Variants in RPS6KC1 observed in about 807,000 individuals in gnomAD.
RPS6KC1 encodes ribosomal protein S6 kinase C1, also known as inactive ribosomal protein S6 kinase delta-1.
RPS6KC1 carries 54 observed loss-of-function variants against 103.8 expected under a neutral mutation model. The observed-to-expected ratio is 0.52, with a 90% CI of 0.42 to 0.65. RPS6KC1 has a LOEUF of 0.65. RPS6KC1 is among the 30% of genes least tolerant of loss of function. The pLI, the probability that RPS6KC1 is intolerant of heterozygous loss-of-function variation, is 0.00. For missense variants in RPS6KC1, 1,151 were observed against 1,253.8 expected (o/e 0.92, Z 1.24); for synonymous variants, 439 against 438.7 (o/e 1.00, Z -0.01).
At chr1:213,842,278 A>G in the RPS6KC1 span, 1 of 152,236 alleles carries the variant, frequency 6.6e-6, no homozygotes, top group Admixed American at 6.6e-5. Context: ...AGTGCCTCGT[A>G]TATGACAAAC....
chr1:213,100,376 C>T (rs74647775), intron 3 of RPS6KC1, among the ~76,000 whole-genome samples: 3,372 of 151,206 alleles, frequency 0.022, 122 homozygotes, highest in African/African-American at 0.078. Flanking sequence ...GTCAGTTGTT[C>T]GTCTATTCAT....
downstream of RPS6KC1, among the ~76,000 whole-genome samples, chr1:213,278,707 T>TA (rs1445476356): frequency 2.6e-5 from 4 of 152,080 alleles, no homozygotes; most frequent in Admixed American, 6.5e-5. Flanking sequence ...AAGGATCTTA[T>TA]AAAACACAGG....
intron 2 of RPS6KC1, among the ~76,000 whole-genome samples, chr1:213,072,465 T>C (rs2078975106): frequency 6.6e-6 from 1 of 151,852 alleles, no homozygotes; most frequent in Non-Finnish European, 1.5e-5. Flanking sequence ...GGAGAACTGC[T>C]TGAACCTGGG....
chr1:213,161,212 A>G (rs1270043315), intron 6 of RPS6KC1, among the ~76,000 whole-genome samples: 1 of 152,104 alleles, frequency 6.6e-6, no homozygotes, highest in South Asian at 2.1e-4. Flanking sequence ...GATAGAGAAC[A>G]TTTTCACTCT....
chr1:213,220,077 G>T (rs1253410822), intron 8 of RPS6KC1, among the ~76,000 whole-genome samples: 1 of 151,938 alleles, frequency 6.6e-6, no homozygotes, highest in Non-Finnish European at 1.5e-5. Flanking sequence ...ATTCAGATGG[G>T]ATATATACAC....
chr1:213,461,721 A>T, the RPS6KC1 span, among the ~76,000 whole-genome samples: 1 of 152,232 alleles, frequency 6.6e-6, no homozygotes, highest in Non-Finnish European at 1.5e-5. Flanking sequence ...CTGACTAGCT[A>T]TATGCAGAAA....
At chr1:213,164,277 A>G (rs1018777911) in intron 6 of RPS6KC1, among the ~76,000 whole-genome samples, 12 of 152,204 alleles carry the variant, frequency 7.9e-5, no homozygotes, top group African/African-American at 2.9e-4. Flanking sequence ...CGTGCCTTCT[A>G]TAAACTTTTC....
the RPS6KC1 span, among the ~76,000 whole-genome samples, chr1:213,590,693 T>A: frequency 6.6e-6 from 1 of 151,968 alleles, no homozygotes; most frequent in Non-Finnish European, 1.5e-5. Context: ...ATGGGTGAGG[T>A]CACTCTCATC....
intron 1 of RPS6KC1, among the ~76,000 whole-genome samples, chr1:213,052,131 C>G (rs984850879): frequency 3.9e-5 from 6 of 152,200 alleles, no homozygotes; most frequent in African/African-American, 1.4e-4. Flanking sequence ...TTTACATCAA[C>G]TAACTGGTCC....
At chr1:213,223,286 T>C (rs988959543) in intron 8 of RPS6KC1, among the ~76,000 whole-genome samples, 1 of 152,160 alleles carries the variant, frequency 6.6e-6, no homozygotes, top group African/African-American at 2.4e-5. Flanking sequence ...TAGTGGTGAT[T>C]TCTGAGATTT....
chr1:213,496,936 G>C, the RPS6KC1 span, among the ~76,000 whole-genome samples: 6 of 152,086 alleles, frequency 3.9e-5, no homozygotes, highest in South Asian at 1.2e-3. Flanking sequence ...ACAAATCAGG[G>C]CTTTTCAATT....
At chr1:213,217,809 A>T (rs1369186694) in intron 8 of RPS6KC1, among the ~76,000 whole-genome samples, 1 of 152,210 alleles carries the variant, frequency 6.6e-6, no homozygotes, top group Non-Finnish European at 1.5e-5. Context: ...AAGGCCTTTG[A>T]CAAAATTCAA....
the RPS6KC1 span, among the ~76,000 whole-genome samples, chr1:213,297,294 T>C: frequency 6.6e-6 from 1 of 152,192 alleles, no homozygotes; most frequent in Non-Finnish European, 1.5e-5. Context: ...TTGGTTGTAC[T>C]ACTAGGGCCA....
the RPS6KC1 span, among the ~76,000 whole-genome samples, chr1:213,740,524 A>G: frequency 1.3e-5 from 2 of 152,092 alleles, no homozygotes; most frequent in Non-Finnish European, 2.9e-5. Flanking sequence ...GTCCTTGGAC[A>G]GTTTGGTCCT....
the RPS6KC1 span, among the ~76,000 whole-genome samples, chr1:213,398,183 C>T: frequency 6.6e-6 from 1 of 150,922 alleles, no homozygotes; most frequent in Admixed American, 6.6e-5. Context: ...AGGCACTCAC[C>T]ACCACACCTG....
chr1:213,055,311 C>T (rs1345863583), intron 1 of RPS6KC1, among the ~76,000 whole-genome samples: 1 of 151,940 alleles, frequency 6.6e-6, no homozygotes, highest in East Asian at 1.9e-4. Flanking sequence ...TACAAGGAAT[C>T]ATATAGTATG....
chr1:213,115,146 A>T (rs1320012777), intron 4 of RPS6KC1, among the ~76,000 whole-genome samples: 1 of 152,196 alleles, frequency 6.6e-6, no homozygotes, highest in Non-Finnish European at 1.5e-5. Flanking sequence ...TCATCTTTGT[A>T]CCTCTGGTAG....
In RPS6KC1 at chr1:213,154,731, C is replaced by T. The variant is rs76101195; in HGVS notation, c.836-13127C>T. Among the ~76,000 whole-genome samples, 17 of 152,320 alleles carry T rather than the reference C, an allele frequency of 1.1e-4. No individual in the cohort carries two copies. In the East Asian group the frequency reaches 3.3e-3, roughly 29 times the overall value. On this transcript the variant is annotated intron_variant, in intron 6 of 14. Transcript: ENST00000366960. ...GAAATTGGGGCACCTTAAGTGCCCG[C>T]TTGGTGCTCTACCCTTCTGTGGCCT... is the stretch of plus-strand genomic sequence containing the variant.
chr1:213,243,584 A>G (rs1402478769), intron 12 of RPS6KC1, among the ~76,000 whole-genome samples: 1 of 152,180 alleles, frequency 6.6e-6, no homozygotes, highest in Admixed American at 6.5e-5. Flanking sequence ...TTTATTGACA[A>G]TTATAGGTAG....
Sources: allele counts gnomAD v4.1 joint callset (sites outside exome capture counted in the v4.1 genomes callset), GRCh38; gene constraint gnomAD v4.1.1; transcripts MANE v1.5; gene names NCBI Gene and HGNC (gene_info 2026-07-23, HGNC 2026-07-21).